The following PDE10A variants were observed in gnomAD, a reference collection of about 807,000 sequenced individuals.
PDE10A encodes the protein cAMP and cAMP-inhibited cGMP 3',5'-cyclic phosphodiesterase 10A.
PDE10A carries 39 observed loss-of-function variants against 97.7 expected under a neutral mutation model. That is an observed-to-expected ratio of 0.40 (90% CI 0.31 to 0.52). PDE10A has a LOEUF of 0.52. PDE10A is among the 20% of genes least tolerant of loss of function. The probability of loss-of-function intolerance (pLI) is 0.56; values close to 1 mark genes in which losing one functional copy is unlikely to be tolerated. For synonymous variants in PDE10A, 371 were observed against 376.8 expected (o/e 0.98, Z 0.18); for missense variants, 731 against 1,047.8 (o/e 0.70, Z 4.17).
chr6:165,555,825 T>C, intron 1 of PDE10A, among the ~76,000 whole-genome samples: 1 of 152,172 alleles, frequency 6.6e-6, no homozygotes, highest in East Asian at 1.9e-4. Flanking sequence ...TGCCCAAGGC[T>C]GGATCCAGCC....
rs536338508 is a variant in PDE10A, at chr6:165,388,647, T to A, written c.2455-194A>T. Among the ~76,000 whole-genome samples, 1 of 152,206 alleles carries A rather than the reference T, an allele frequency of 6.6e-6. No individual in the cohort carries two copies. The highest frequency in any genetic ancestry group is 2.4e-5 in the African/African-American group (1 of 41,448). ...AATTCCAGATAATCTAACTCATTTG[T>A]AGGCCCTTTCTTTGTTTCTCTGCTT... On this transcript the variant is annotated intron_variant, in intron 16 of 21. Coordinates refer to ENST00000539869, the MANE Select transcript of PDE10A (RefSeq NM_001385079.1). The surrounding 1 kb of genome is among the most constrained non-coding windows in gnomAD (Gnocchi z 4.0).
chr6:165,551,734 C>T (rs1784026754), intron 1 of PDE10A, among the ~76,000 whole-genome samples: 1 of 152,076 alleles, frequency 6.6e-6, no homozygotes, highest in African/African-American at 2.4e-5. Context: ...GGGCTAGCTC[C>T]AATTTGGAAT....
At chr6:165,613,207 T>C (rs778368495) in intron 1 of PDE10A, among the ~76,000 whole-genome samples, 5 of 152,228 alleles carry the variant, frequency 3.3e-5, no homozygotes, top group African/African-American at 9.6e-5. Flanking sequence ...AGTAATTCTA[T>C]ACTTTTTTGC....
chr6:165,552,074 G>A (rs112135946), intron 1 of PDE10A, among the ~76,000 whole-genome samples: 8 of 152,094 alleles, frequency 5.3e-5, no homozygotes, highest in African/African-American at 1.7e-4. Context: ...CAGTTTCACT[G>A]GAGCTACCTT....
intron 3 of PDE10A, among the ~76,000 whole-genome samples, chr6:165,454,002 A>C (rs184746691): frequency 5.5e-4 from 84 of 152,258 alleles, no homozygotes; most frequent in African/African-American, 2.0e-3. Flanking sequence ...CCTAACCCCA[A>C]CTCCAGTGTG....
At chr6:165,604,233 C>T (rs925147558) in intron 1 of PDE10A, among the ~76,000 whole-genome samples, 9 of 152,132 alleles carry the variant, frequency 5.9e-5, no homozygotes, top group Admixed American at 2.6e-4. Context: ...TGTAGTAAAG[C>T]GCTGGGAGGT....
chr6:165,433,949 G>A (rs57358161), intron 6 of PDE10A, among the ~76,000 whole-genome samples: 10,316 of 148,420 alleles, frequency 0.07, 1,193 homozygotes, highest in African/African-American at 0.24. Context: ...CCCGGGAGGC[G>A]GAGCTTGCAG....
At chr6:165,422,056 C>T (rs1023754626) in intron 10 of PDE10A, among the ~76,000 whole-genome samples, 2 of 151,986 alleles carry the variant, frequency 1.3e-5, no homozygotes, top group African/African-American at 4.8e-5. Context: ...AGTGCCAGAC[C>T]CTGTCTAAAG....
intron 1 of PDE10A, among the ~76,000 whole-genome samples, chr6:165,544,015 A>G (rs575496176): frequency 6.6e-6 from 1 of 152,156 alleles, no homozygotes; most frequent in African/African-American, 2.4e-5. Flanking sequence ...CCAAGAACCA[A>G]TGCTGTACAT....
At chr6:165,728,226 G>A (rs1792345247) in intron 1 of PDE10A, among the ~76,000 whole-genome samples, 1 of 152,136 alleles carries the variant, frequency 6.6e-6, no homozygotes, top group African/African-American at 2.4e-5. Flanking sequence ...GCTGCCCTTG[G>A]GTAAACATCG....
intron 1 of PDE10A, among the ~76,000 whole-genome samples, chr6:165,742,356 T>C (rs1792746782): frequency 6.6e-6 from 1 of 152,134 alleles, no homozygotes; most frequent in South Asian, 2.1e-4. Flanking sequence ...TCTTAATCAT[T>C]ACATAGGCAA....
intron 1 of PDE10A, among the ~76,000 whole-genome samples, chr6:165,568,752 G>A (rs1050941042): frequency 1.1e-4 from 16 of 152,012 alleles, no homozygotes; most frequent in African/African-American, 3.9e-4. Context: ...GATTTAATAA[G>A]GAAAGAAAAA....
chr6:165,910,478 C>T (rs759348836), intron 1 of PDE10A, among the ~76,000 whole-genome samples: 15 of 152,130 alleles, frequency 9.9e-5, no homozygotes, highest in Admixed American at 2.6e-4. Context: ...TATATAGTGT[C>T]GTGCAGGTTT....
intron 18 of PDE10A, among the ~76,000 whole-genome samples, chr6:165,358,510 A>G (rs1283524433): frequency 9.8e-6 from 1 of 101,914 alleles, no homozygotes; most frequent in Non-Finnish European, 2.0e-5. Flanking sequence ...TAGGTACACC[A>G]GTTTTTTTTT....
At chr6:165,578,189 T>A (rs951883658) in intron 1 of PDE10A, among the ~76,000 whole-genome samples, 4 of 152,130 alleles carry the variant, frequency 2.6e-5, no homozygotes, top group Non-Finnish European at 5.9e-5. Flanking sequence ...AAGCCCAGCA[T>A]CTCTTTTAGT....
At chr6:165,480,857 T>C (rs1779566146) in intron 3 of PDE10A, among the ~76,000 whole-genome samples, 1 of 152,198 alleles carries the variant, frequency 6.6e-6, no homozygotes, top group African/African-American at 2.4e-5. Context: ...TTGATCAAGA[T>C]ACGGGGTACG....
At chr6:165,681,030 A>G (rs762851237) in intron 1 of PDE10A, among the ~76,000 whole-genome samples, 1 of 152,220 alleles carries the variant, frequency 6.6e-6, no homozygotes, top group Admixed American at 6.5e-5. Flanking sequence ...AAGACTCTCA[A>G]GTTACTTTGT....
intron 18 of PDE10A, among the ~76,000 whole-genome samples, chr6:165,364,153 CTGAA>C (rs1355540584): frequency 6.6e-6 from 1 of 152,188 alleles, no homozygotes; most frequent in Non-Finnish European, 1.5e-5. Context: ...TTTCTATAGA[CTGAA>C]TGTTTCTTTC....
intron 1 of PDE10A, among the ~76,000 whole-genome samples, chr6:165,909,723 C>G (rs1782401387): frequency 6.6e-6 from 1 of 152,216 alleles, no homozygotes; most frequent in South Asian, 2.1e-4. Context: ...GGAACAGTCC[C>G]TCTTCTGGCT....
Sources: allele counts gnomAD v4.1 joint callset (sites outside exome capture counted in the v4.1 genomes callset), GRCh38; gene constraint gnomAD v4.1.1; non-coding constraint Gnocchi (gnomAD v3.1); transcripts MANE v1.5; gene names NCBI Gene and HGNC (gene_info 2026-07-23, HGNC 2026-07-21).